The following SPTB variants were observed in gnomAD, a reference collection of about 807,000 sequenced individuals.
The protein encoded by SPTB is spectrin beta, erythrocytic.
Under a neutral mutation model 256.2 loss-of-function variants are expected in SPTB, and 45 were observed. That is an observed-to-expected ratio of 0.18 (90% CI 0.14 to 0.23). The LOEUF (loss-of-function observed/expected upper bound fraction) is 0.23, where lower values mean the gene tolerates loss of function less well. Ranked by LOEUF, SPTB falls within the 10% of genes least tolerant of loss-of-function variation. The pLI is 1.00. For missense variants in SPTB, 2,715 were observed against 3,040.4 expected, an observed-to-expected ratio of 0.89 and a Z score of 2.52; for synonymous variants, 1,231 against 1,243.1, an observed-to-expected ratio of 0.99 and a Z score of 0.21.
At chr14:64,781,230 TAA>T (rs2082466379) in intron 20 of SPTB, among the ~76,000 whole-genome samples, 1 of 152,194 alleles carries the variant, frequency 6.6e-6, no homozygotes. Context: ...AAATGAGATC[TAA>T]TTAAACTTAA....
At chr14:64,831,617 G>A (rs111512987) in intron 1 of SPTB, among the ~76,000 whole-genome samples, 15 of 152,336 alleles carry the variant, frequency 9.8e-5, no homozygotes, top group African/African-American at 2.9e-4. Flanking sequence ...CCATTCTGGC[G>A]GGCTGTCTGC....
chr14:64,791,589 A>AAT, intron 15 of SPTB, 130 bp downstream of exon 15: 9 of 839,670 alleles, frequency 1.1e-5, no homozygotes, highest in East Asian at 2.7e-5. Context: ...AAAAAAAAAA[A>AAT]AAGACAGGAA....
At chr14:64,843,603 T>C (rs139260480) in intron 1 of SPTB, among the ~76,000 whole-genome samples, 6 of 152,188 alleles carry the variant, frequency 3.9e-5, no homozygotes, top group African/African-American at 1.4e-4. Context: ...AAGGCATGAG[T>C]GTGACATTTT....
chr14:64,856,373 G>A (rs2083872786), intron 1 of SPTB, among the ~76,000 whole-genome samples: 1 of 152,138 alleles, frequency 6.6e-6, no homozygotes, highest in East Asian at 1.9e-4. Context: ...GGAGCTCACT[G>A]CTAAGTTCCT....
At chr14:64,791,977 T>A in intron 14 of SPTB, 121 bp from the exon 15 acceptor site, 1 of 1,353,614 alleles carries the variant, frequency 7.4e-7, no homozygotes, top group Non-Finnish European at 1.0e-6. Context: ...GCCTAAACCA[T>A]TTGCCCAGGT....
intron 1 of SPTB, among the ~76,000 whole-genome samples, chr14:64,836,533 T>C (rs2649196): frequency 0.35 from 53,764 of 151,584 alleles, 12,070 homozygotes; most frequent in African/African-American, 0.64. Context: ...GTCGGTGGGG[T>C]TTATTGTCAT....
rs986712111 is a variant in SPTB at position 64,746,322 on chromosome 14, T to A, written c.*2984A>T. On this transcript the variant is annotated 3_prime_UTR_variant, in exon 36 of 36. Coordinates refer to ENST00000644917, the MANE Select transcript of SPTB (RefSeq NM_001355436.2). This position sits in a 1 kb window ranked among gnomAD's most constrained non-coding sequence, Gnocchi z 4.9. ...TTTATTAGAAAAACTAGTAAATGGGTTTCCTCTGGTTGGTGGAAGCACGGT... is the reference window on the plus strand; with the variant it reads ...TTTATTAGAAAAACTAGTAAATGGGATTCCTCTGGTTGGTGGAAGCACGGT... 3.9e-5 allele frequency: 6 copies of A among 152,426 alleles called. No homozygotes were observed. The highest frequency in any genetic ancestry group is 1.4e-4 in the African/African-American group (6 of 41,424). 9.4% of individuals were successfully genotyped at this position (152,426 alleles called of 1,614,324 possible).
At chr14:64,819,540 G>GGA (rs4027215) in intron 2 of SPTB, among the ~76,000 whole-genome samples, 11 of 152,080 alleles carry the variant, frequency 7.2e-5, no homozygotes, top group African/African-American at 1.9e-4. Flanking sequence ...ATAGTCTTAT[G>GGA]GAGAGAGAGA....
chr14:64,801,312 C>T lies in SPTB; in HGVS notation c.736G>A (p.Gly246Ser). 1 of 1,613,984 alleles carries T rather than the reference C, an allele frequency of 6.2e-7. No homozygotes were observed. Among genetic ancestry groups the T allele is most frequent in the East Asian group, 2.2e-5 (1 of 44,898 alleles). Residue 246 changes from glycine to serine, a missense_variant, in exon 7 of 36, where the codon GGC (glycine) becomes AGC (serine). Transcript: ENST00000644917. ...TCGGGGTCGAGGAGCGGGATGATGCCCAGCTGGCGCTCAGCCACATTGAAT... is the reference window on the plus strand; with the variant it reads ...TCGGGGTCGAGGAGCGGGATGATGCTCAGCTGGCGCTCAGCCACATTGAAT... ...HAFNVAERQL[G>S]IIPLLDPEDV... is the part of the protein sequence containing the mutation.
intron 29 of SPTB, among the ~76,000 whole-genome samples, chr14:64,768,697 G>A (rs1012715288): frequency 7.2e-6 from 1 of 138,536 alleles, no homozygotes; most frequent in Non-Finnish European, 1.6e-5. Context: ...CCTCCCCCAG[G>A]CCCCCAGCCC....
rs895922508 is a variant in SPTB, at chr14:64,777,197, G to T, written c.4564-1794C>A. On this transcript the variant is annotated intron_variant, in intron 22 of 35. Transcript: ENST00000644917. The surrounding 1 kb of genome is among the most constrained non-coding windows in gnomAD (Gnocchi z 4.5). Reference sequence around the variant, plus strand: ...TGTTCCTGGCAAGAGGACTGAACAAGTGCAAAGGCTCTGGGGTGGACATGA... The same window carrying T: ...TGTTCCTGGCAAGAGGACTGAACAATTGCAAAGGCTCTGGGGTGGACATGA... Among the ~76,000 whole-genome samples, 2 of 152,160 alleles carry T rather than the reference G, an allele frequency of 1.3e-5. No homozygotes were observed. The highest frequency in any genetic ancestry group is 6.5e-5 in the Admixed American group (1 of 15,286).
At chr14:64,810,690 TAAC>T (rs1000876130) in intron 2 of SPTB, among the ~76,000 whole-genome samples, 4 of 151,298 alleles carry the variant, frequency 2.6e-5, no homozygotes, top group African/African-American at 4.9e-5. Context: ...AAAACAACAA[TAAC>T]AACAACAACA....
chr14:64,753,443 C>T (rs2081978693), intron 33 of SPTB, 94 bp downstream of exon 33: 1 of 1,593,668 alleles, frequency 6.3e-7, no homozygotes, highest in Non-Finnish European at 8.5e-7. Context: ...CACCCCTCCC[C>T]CAGCACATGC....
chr14:64,802,567 C>G lies in SPTB; in HGVS notation c.475-250G>C, dbSNP rs901439314. On this transcript the variant is annotated intron_variant, in intron 4 of 35. Coordinates refer to ENST00000644917, the MANE Select transcript of SPTB (RefSeq NM_001355436.2). This position sits in a 1 kb window ranked among gnomAD's most constrained non-coding sequence, Gnocchi z 5.1. ...TCTGTCTTGGTCACTTGTCTGTCTC[C>G]AGGGCCTGGAGCCTGGTGCACCATC... is the stretch of plus-strand genomic sequence containing the variant. 3.3e-5 allele frequency among the ~76,000 whole-genome samples: 5 copies of G among 152,116 alleles called. No individual in the cohort carries two copies. The highest frequency in any genetic ancestry group is 1.2e-4 in the African/African-American group (5 of 41,392).
In SPTB at chr14:64,769,578, C is replaced by T. The variant is rs1350261213; in HGVS notation, c.5937+12G>A. On this transcript the variant is annotated intron_variant, in intron 28 of 35. Coordinates refer to ENST00000644917, the MANE Select transcript of SPTB (RefSeq NM_001355436.2). ...ACGGAGGAGCTCGCCTCCATCCTTG[C>T]AGTCCCCTCACCTCCTCTGAGGCCT... 1.2e-6 allele frequency: 2 copies of T among 1,613,712 alleles called. No homozygotes were observed. The highest frequency in any genetic ancestry group is 8.5e-7 in the Non-Finnish European group (1 of 1,179,998).
At position 64,795,088 on chromosome 14, in the gene SPTB, T is replaced by A. The variant is rs2082741565; in HGVS notation, c.1644+249A>T. Among the ~76,000 whole-genome samples the A allele has an allele frequency of 1.3e-5, 2 of 152,238 alleles. No individual in the cohort carries two copies. The highest frequency in any genetic ancestry group is 4.1e-4 in the South Asian group (2 of 4,832). On this transcript the variant is annotated intron_variant, in intron 12 of 35. Transcript: ENST00000644917. The surrounding 1 kb of genome is among the most constrained non-coding windows in gnomAD (Gnocchi z 6.5). ...AGGCCCTGAAGGTTGGCACCGGTGC[T>A]GCCACAAACCCAAGATTTCTCGGTC...
intron 1 of SPTB, among the ~76,000 whole-genome samples, chr14:64,863,730 G>C (rs1364115399): frequency 2.0e-5 from 3 of 152,140 alleles, no homozygotes; most frequent in African/African-American, 7.2e-5. Context: ...AAAAATGCTT[G>C]GTTTCAATTC....
In SPTB at chr14:64,773,100, G is replaced by T. The variant is rs958639298; in HGVS notation, c.5178+120C>A. ...TCCCCAGGGCAGGCCTGCATCGGCT[G>T]GTCCCGCCTCACACTGGGGAGGTTA... On this transcript the variant is annotated intron_variant, in intron 25 of 35. Transcript: ENST00000644917. 2.4e-5 allele frequency: 37 copies of T among 1,547,188 alleles called. No individual in the cohort carries two copies. The Middle Eastern group carries it at 6.9e-4, about 29-fold the overall frequency.
intron 14 of SPTB, 69 bp from the exon 15 acceptor site, chr14:64,791,925 C>A: frequency 6.2e-7 from 1 of 1,600,002 alleles, no homozygotes; most frequent in Non-Finnish European, 8.5e-7. Context: ...CAGTGGCACC[C>A]CCAGTCTCCA....
Sources: allele counts gnomAD v4.1 joint callset (sites outside exome capture counted in the v4.1 genomes callset), GRCh38; gene constraint gnomAD v4.1.1; non-coding constraint Gnocchi (gnomAD v3.1); transcripts MANE v1.5; gene names NCBI Gene and HGNC (gene_info 2026-07-23, HGNC 2026-07-21).